The following TRAP1 variants were observed in gnomAD, a reference collection of about 807,000 sequenced individuals.
TRAP1 encodes TNF receptor associated protein 1.
In TRAP1, 102 loss-of-function variants were observed where a neutral mutation model predicts 89.1. That is an observed-to-expected ratio of 1.15 (90% CI 0.98 to 1.35). The LOEUF is 1.35. Among genes scored for constraint, TRAP1 ranks in the 40% most tolerant of loss-of-function variants. The pLI, the probability that TRAP1 is intolerant of heterozygous loss-of-function variation, is 0.00. For missense variants in TRAP1, 1,256 were observed against 945.3 expected (o/e 1.33, Z -4.31); for synonymous variants, 508 against 388.0 (o/e 1.31, Z -3.64).
chr16:3,705,044 T>C (rs2051421431), intron 1 of TRAP1, among the ~76,000 whole-genome samples: 1 of 152,078 alleles, frequency 6.6e-6, no homozygotes, highest in African/African-American at 2.4e-5. Context: ...CACAAAGTTG[T>C]ACAGCCACGA....
intron 14 of TRAP1, 91 bp from the exon 15 acceptor site, chr16:3,663,058 T>A (rs1233430500): frequency 1.1e-5 from 11 of 971,324 alleles, no homozygotes; most frequent in Admixed American, 1.0e-4. Context: ...AGCTCCCACC[T>A]CCTCTCCCAC....
At chr16:3,663,011 C>G (rs1460744847) in intron 14 of TRAP1, 44 bp from the exon 15 acceptor site, 2 of 1,508,860 alleles carry the variant, frequency 1.3e-6, no homozygotes, top group Non-Finnish European at 8.9e-7. Flanking sequence ...TGCATCCCAA[C>G]TCCCCGGCTT....
chr16:3,697,180 T>C (rs948040753), intron 1 of TRAP1, among the ~76,000 whole-genome samples: 3 of 152,200 alleles, frequency 2.0e-5, no homozygotes, highest in Admixed American at 6.6e-5. Context: ...TCTTTGCCTA[T>C]TGGTCAGATA....
At chr16:3,705,161 T>A (rs1007877951) in intron 1 of TRAP1, among the ~76,000 whole-genome samples, 1 of 152,082 alleles carries the variant, frequency 6.6e-6, no homozygotes, top group African/African-American at 2.4e-5. Context: ...GCGTCCTGGG[T>A]TCATGCCATT....
At chr16:3,701,639 C>T (rs764846167) in intron 1 of TRAP1, among the ~76,000 whole-genome samples, 5 of 151,544 alleles carry the variant, frequency 3.3e-5, no homozygotes, top group Non-Finnish European at 5.9e-5. Context: ...CTACAGAAAG[C>T]GAAGGAGCAC....
At chr16:3,692,694 G>C (rs1227051331) in intron 1 of TRAP1, among the ~76,000 whole-genome samples, 1 of 148,242 alleles carries the variant, frequency 6.7e-6, no homozygotes, top group Non-Finnish European at 1.5e-5. Flanking sequence ...CACCTCCCGG[G>C]TTCAAGCGAT....
chr16:3,664,479 T>C lies in TRAP1; in HGVS notation c.1384-20A>G. On this transcript the variant is annotated intron_variant, in intron 12 of 17. Transcript: ENST00000246957. ...GTCCTCCTAGAAGGGACGGGGCAGG[T>C]CACCACTTATTCCAGGCCCATGGGC... 4 of 1,597,406 alleles carry C rather than the reference T, an allele frequency of 2.5e-6. No homozygotes were observed. Among genetic ancestry groups the C allele is most frequent in the Non-Finnish European group, 2.6e-6 (3 of 1,173,462 alleles).
At position 3,662,031 on chromosome 16, in the gene TRAP1, C is replaced by G; in HGVS notation, c.1896G>C (p.Glu632Asp). 6.2e-7 allele frequency: 1 copy of G among 1,613,232 alleles called. No homozygotes were observed. Among genetic ancestry groups the G allele is most frequent in the Non-Finnish European group, 8.5e-7 (1 of 1,179,946 alleles). Residue 632 changes from glutamate (E) to aspartate (D), a missense_variant, in exon 16 of 18, where the codon GAG (glutamate) becomes GAC (aspartate). Transcript: ENST00000246957. ...LRMQQLAKTQ[E>D]ERAQLLQPTL... is the part of the protein sequence containing the mutation. ...TGGGCTGCAGGAGCTGTGCGCGCTC[C>G]TCCTGGGTCTTGGCCAGCTGCTGCA...
chr16:3,666,106 G>T lies in TRAP1; in HGVS notation c.1248C>A (p.Asp416Glu). 2 of 1,611,218 alleles carry T rather than the reference G, an allele frequency of 1.2e-6. No individual in the cohort carries two copies. The highest frequency in any genetic ancestry group is 2.2e-5 in the South Asian group (2 of 90,588). Reference sequence around the variant, plus strand: ...ATTTGATCAGCCTCTGCTGTAAAACGTCCCGGAGTTTCCTACAGAAAAGAA... The same window carrying T: ...ATTTGATCAGCCTCTGCTGTAAAACTTCCCGGAGTTTCCTACAGAAAAGAA... Reference protein sequence around the residue: ...QESALIRKLRDVLQQRLIKFF... With the variant: ...QESALIRKLREVLQQRLIKFF... The change falls in exon 12 of 18, where the codon GAC (aspartate) becomes GAA (glutamate). Residue 416 changes from aspartate (D) to glutamate (E), a missense_variant. Asp to Glu is a conservative substitution (Grantham distance 45). Transcript: ENST00000246957.
chr16:3,672,824 G>C lies in TRAP1; in HGVS notation c.1045-4C>G. ...TCACATCAAACATGGACGGTTTCTG[G>C]GGGTGAGGAGAACACGCCATCATGC... On this transcript the variant is annotated splice_region_variant and splice_polypyrimidine_tract_variant and intron_variant, in intron 9 of 17. Coordinates refer to ENST00000246957, the MANE Select transcript of TRAP1 (RefSeq NM_016292.3). 2 of 1,611,682 alleles carry C rather than the reference G, an allele frequency of 1.2e-6. No homozygotes were observed. Among genetic ancestry groups the C allele is most frequent in the Admixed American group, 1.7e-5 (1 of 59,794 alleles).
rs544740882 is a variant in TRAP1 at position 3,671,771 on chromosome 16, T to C, written c.1186A>G (p.Ile396Val). The change falls in exon 11 of 18, where the codon ATT becomes GTT. Residue 396 changes from isoleucine to valine, a missense_variant. Coordinates refer to ENST00000246957, the MANE Select transcript of TRAP1 (RefSeq NM_016292.3). ...FIRGVVDSEDIPLNLSRELLQ... is the reference protein window; with the variant it reads ...FIRGVVDSEDVPLNLSRELLQ... ...AGCTCCCGGCTGAGGTTCAGGGGAA[T>C]GTCCTCACTGTCCACCACACCTGGG... is the stretch of plus-strand genomic sequence containing the variant. 9.3e-6 allele frequency: 15 copies of C among 1,612,974 alleles called. No homozygotes were observed. The highest frequency in any genetic ancestry group is 3.3e-4 in the Middle Eastern group (2 of 6,084).
intron 1 of TRAP1, among the ~76,000 whole-genome samples, chr16:3,695,536 GAAAAA>G (rs567047394): frequency 3.1e-4 from 23 of 74,734 alleles, no homozygotes; most frequent in African/African-American, 9.7e-4. Context: ...ACTCTGTCTC[GAAAAA>G]AAAAAAAAAA....
rs1238582287 is a variant in TRAP1 at position 3,717,520 on chromosome 16, A to G, written c.-12T>C. On this transcript the variant is annotated 5_prime_UTR_variant, in exon 1 of 18. Coordinates refer to ENST00000246957, the MANE Select transcript of TRAP1 (RefSeq NM_016292.3). ...AGCTCGCGCGCCATGTCGTACTCCC[A>G]GAGCGCCGCGCGCAGCCACGCGGGA... 33 of 1,355,528 alleles carry G rather than the reference A, an allele frequency of 2.4e-5. No individual in the cohort carries two copies. The highest frequency in any genetic ancestry group is 3.1e-5 in the Non-Finnish European group (33 of 1,054,964). 84.0% of individuals were successfully genotyped at this position (1,355,528 alleles called of 1,614,324 possible).
In TRAP1 at chr16:3,694,430, G is replaced by A. The variant is rs963517302; in HGVS notation, c.89-3445C>T. Among the ~76,000 whole-genome samples the A allele has an allele frequency of 4.6e-5, 7 of 151,724 alleles. 1 individual carries two copies. The South Asian group carries it at 6.2e-4, about 14-fold the overall frequency. On this transcript the variant is annotated intron_variant, in intron 1 of 17. Transcript: ENST00000246957. ...ATGATCTCAGCTCACTGCAACCTCT[G>A]CCTCCTGGGTTCAGGCGATTCTCCT...
intron 1 of TRAP1, among the ~76,000 whole-genome samples, chr16:3,715,404 C>T (rs978115295): frequency 1.3e-5 from 2 of 151,860 alleles, no homozygotes; most frequent in African/African-American, 2.4e-5. Flanking sequence ...CGCCACTGCA[C>T]TCCAGCCTGG....
chr16:3,663,121 A>T, intron 14 of TRAP1, 154 bp from the exon 15 acceptor site: 1 of 693,352 alleles, frequency 1.4e-6, no homozygotes, highest in African/African-American at 1.8e-5. Flanking sequence ...GTAAAACCTC[A>T]AAGGATGCTT....
chr16:3,665,962 C>T lies in TRAP1; in HGVS notation c.1383+9G>A. On this transcript the variant is annotated intron_variant, in intron 12 of 17. Transcript: ENST00000246957. Reference sequence around the variant, plus strand: ...GCCCAGAAAAAGGCCTGGAACACAGCTCCTATACCTTGACCTCCTGCTCGG... The same window carrying T: ...GCCCAGAAAAAGGCCTGGAACACAGTTCCTATACCTTGACCTCCTGCTCGG... 6.2e-7 allele frequency: 1 copy of T among 1,610,850 alleles called. No homozygotes were observed. The highest frequency in any genetic ancestry group is 8.5e-7 in the Non-Finnish European group (1 of 1,178,810).
rs1393808232 is a variant in TRAP1, at chr16:3,662,881, C to T, written c.1794+1G>A. 1 of 1,613,612 alleles carries T rather than the reference C, an allele frequency of 6.2e-7. No individual in the cohort carries two copies. Among genetic ancestry groups the T allele is most frequent in the South Asian group, 1.1e-5 (1 of 91,082 alleles). ...GTGGTCCATCCCCGGGAAAGCCTCA[C>T]CTTCACGTTGGTGACACGCGACCCC... On this transcript the variant is annotated splice_donor_variant, in intron 15 of 17. Coordinates refer to ENST00000246957, the MANE Select transcript of TRAP1 (RefSeq NM_016292.3). LOFTEE classifies it high-confidence loss of function.
intron 1 of TRAP1, among the ~76,000 whole-genome samples, chr16:3,707,913 G>A (rs990703466): frequency 5.3e-5 from 8 of 151,062 alleles, no homozygotes; most frequent in African/African-American, 1.7e-4. Context: ...GGCCAGGCAC[G>A]ACGGCTCCTG....
Sources: allele counts gnomAD v4.1 joint callset (sites outside exome capture counted in the v4.1 genomes callset), GRCh38; gene constraint gnomAD v4.1.1; transcripts MANE v1.5; gene names NCBI Gene and HGNC (gene_info 2026-07-23, HGNC 2026-07-21).